The following RHOBTB3 variants were observed in gnomAD, a reference collection of about 807,000 sequenced individuals.
RHOBTB3 encodes the protein rho-related BTB domain-containing protein 3.
RHOBTB3 carries 47 observed loss-of-function variants against 67.2 expected under a neutral mutation model. The ratio of observed to expected loss-of-function variants is 0.70; its 90% CI spans 0.55 to 0.89. The LOEUF (loss-of-function observed/expected upper bound fraction) is 0.89, where lower values mean the gene tolerates loss of function less well. Among genes scored for constraint, RHOBTB3 ranks in the 40% least tolerant of loss-of-function variants. The pLI, the probability that RHOBTB3 is intolerant of heterozygous loss-of-function variation, is 0.00. For synonymous variants in RHOBTB3, 273 were observed against 274.2 expected, an observed-to-expected ratio of 1.00 and a Z score of 0.04; for missense variants, 631 against 750.0, an observed-to-expected ratio of 0.84 and a Z score of 1.85.
At chr5:95,756,314 C>G (rs1198542000) in intron 6 of RHOBTB3, among the ~76,000 whole-genome samples, 2 of 152,116 alleles carry the variant, frequency 1.3e-5, no homozygotes, top group East Asian at 3.8e-4. Flanking sequence ...AAAGGTTCAT[C>G]CAAGTTGTGG....
intron 3 of RHOBTB3, among the ~76,000 whole-genome samples, chr5:95,740,964 G>A (rs962683080): frequency 3.9e-5 from 6 of 151,944 alleles, no homozygotes; most frequent in Non-Finnish European, 5.9e-5. Flanking sequence ...GAACAAGGCC[G>A]TTATCTTATT....
At chr5:95,765,240 A>T (rs185169250) in intron 7 of RHOBTB3, among the ~76,000 whole-genome samples, 5 of 152,314 alleles carry the variant, frequency 3.3e-5, no homozygotes, top group African/African-American at 1.2e-4. Context: ...GCAAATTCAT[A>T]ACCTTTATAT....
intron 8 of RHOBTB3, among the ~76,000 whole-genome samples, chr5:95,768,415 G>T (rs1048999702): frequency 2.6e-5 from 4 of 152,036 alleles, no homozygotes; most frequent in African/African-American, 9.7e-5. Context: ...AACTTTTAGG[G>T]CCTAGCAAGG....
At chr5:95,769,716 C>G (rs1463870935) in intron 8 of RHOBTB3, 1 of 179,330 alleles carries the variant, frequency 5.6e-6, no homozygotes, top group Non-Finnish European at 1.2e-5. Flanking sequence ...TTTTGCATAA[C>G]TTATTGATAC....
At chr5:95,787,588 G>T (rs892672523) in intron 10 of RHOBTB3, among the ~76,000 whole-genome samples, 12 of 152,232 alleles carry the variant, frequency 7.9e-5, no homozygotes, top group African/African-American at 1.4e-4. Flanking sequence ...TAGCCAAAAG[G>T]TGGAAACAAC....
At chr5:95,723,750 A>C (rs1048388531) in intron 1 of RHOBTB3, among the ~76,000 whole-genome samples, 8 of 151,842 alleles carry the variant, frequency 5.3e-5, no homozygotes, top group Admixed American at 4.6e-4. Flanking sequence ...CTCCCTTACC[A>C]CAGTAGCCAG....
chr5:95,752,492 C>G, intron 5 of RHOBTB3, 142 bp downstream of exon 5: 1 of 664,114 alleles, frequency 1.5e-6, no homozygotes, highest in Non-Finnish European at 2.7e-6. Context: ...GGGATAAGGC[C>G]TAGAATCTGT....
upstream of RHOBTB3, among the ~76,000 whole-genome samples, chr5:95,729,039 C>T (rs1011395721): frequency 6.6e-6 from 1 of 152,208 alleles, no homozygotes; most frequent in Non-Finnish European, 1.5e-5. Context: ...CTGGGAAATG[C>T]CCACCCTTTC....
chr5:95,741,797 A>G (rs1279968426), intron 3 of RHOBTB3, among the ~76,000 whole-genome samples: 1 of 152,138 alleles, frequency 6.6e-6, no homozygotes, highest in Admixed American at 6.5e-5. Flanking sequence ...TGTGCTTGCA[A>G]AATAGTGATG....
At chr5:95,774,734 T>C (rs1383856584) in intron 8 of RHOBTB3, among the ~76,000 whole-genome samples, 1 of 152,166 alleles carries the variant, frequency 6.6e-6, no homozygotes, top group East Asian at 1.9e-4. Flanking sequence ...CAAATCCTTG[T>C]CAGCATTAAG....
chr5:95,778,978 G>T lies in RHOBTB3; in HGVS notation c.1283-1274G>T, dbSNP rs556073228. ...CCGAGCAGTAGGCTCAGAGCTGGCA[G>T]TGCCAGGTGTTGCCTATAGATCCTG... On this transcript the variant is annotated intron_variant, in intron 8 of 11. Transcript: ENST00000379982. Among the ~76,000 whole-genome samples, 10 of 152,352 alleles carry T rather than the reference G, an allele frequency of 6.6e-5. 1 individual carries two copies. The South Asian group carries it at 2.1e-3, about 32-fold the overall frequency.
chr5:95,721,304 C>T (rs866785796), intron 1 of RHOBTB3, among the ~76,000 whole-genome samples: 1 of 152,212 alleles, frequency 6.6e-6, no homozygotes, highest in Admixed American at 6.5e-5. Flanking sequence ...GTACTTATCA[C>T]ATCACTGAGA....
intron 3 of RHOBTB3, among the ~76,000 whole-genome samples, chr5:95,747,872 T>TTACA (rs1333870088): frequency 1.3e-5 from 2 of 152,214 alleles, no homozygotes; most frequent in Non-Finnish European, 2.9e-5. Flanking sequence ...AATTGAAGGT[T>TTACA]CTGTTACAAT....
chr5:95,769,397 C>T, intron 8 of RHOBTB3: 1 of 353,716 alleles, frequency 2.8e-6, no homozygotes, highest in Non-Finnish European at 5.6e-6. Context: ...AGAAGATTAC[C>T]AGAGGTGCTA....
intron 8 of RHOBTB3, chr5:95,770,596 G>T: frequency 2.2e-6 from 1 of 454,540 alleles, no homozygotes; most frequent in Non-Finnish European, 4.4e-6. Flanking sequence ...TTTATTAGAT[G>T]CTGCTTGGGT....
chr5:95,774,271 C>T (rs1374525999), intron 8 of RHOBTB3, among the ~76,000 whole-genome samples: 1 of 152,116 alleles, frequency 6.6e-6, no homozygotes, highest in Admixed American at 6.5e-5. Context: ...CACCCATAAT[C>T]CTATGCCCTA....
intron 8 of RHOBTB3, chr5:95,770,681 G>A: frequency 6.2e-6 from 3 of 487,584 alleles, no homozygotes; most frequent in South Asian, 3.2e-5. Context: ...GGTGCGGTAG[G>A]TGGGATGGGA....
chr5:95,751,651 A>C (rs1403726548), intron 4 of RHOBTB3, among the ~76,000 whole-genome samples: 1 of 152,108 alleles, frequency 6.6e-6, no homozygotes, highest in Non-Finnish European at 1.5e-5. Context: ...TAAACATAGT[A>C]CATGGTAGAT....
intron 3 of RHOBTB3, among the ~76,000 whole-genome samples, chr5:95,739,466 T>C (rs747234653): frequency 6.6e-6 from 1 of 152,192 alleles, no homozygotes; most frequent in Non-Finnish European, 1.5e-5. Flanking sequence ...GATACATATA[T>C]GTACAAAAGT....
Sources: gnomAD v4.1 joint callset for allele counts (sites outside exome capture counted in the v4.1 genomes callset) on GRCh38, gnomAD v4.1.1 for gene constraint, MANE v1.5 for transcripts, NCBI Gene and HGNC (gene_info 2026-07-23, HGNC 2026-07-21) for gene names.